BTF3L4: variants seen among roughly 807,000 people sequenced by gnomAD.
BTF3L4 encodes the protein basic transcription factor 3 like 4, also known as transcription factor BTF3 homolog 4.
In BTF3L4, 6 loss-of-function variants were observed where a neutral mutation model predicts 16.8. That is an observed-to-expected ratio of 0.36 (90% CI 0.20 to 0.71). BTF3L4 has a LOEUF of 0.71. Among genes scored for constraint, BTF3L4 ranks in the 30% least tolerant of loss-of-function variants. The pLI, the probability that BTF3L4 is intolerant of heterozygous loss-of-function variation, is 0.58. For synonymous variants in BTF3L4, 39 were observed against 59.8 expected (o/e 0.65, Z 1.60); for missense variants, 92 against 186.9 (o/e 0.49, Z 2.96).
rs1276138244 is a variant in BTF3L4 at position 52,056,352 on chromosome 1, T to G, written c.-41T>G. On this transcript the variant is annotated 5_prime_UTR_variant, in exon 1 of 6. Transcript: ENST00000313334. ...CAGCCATCTTTCTCTTGCCGCGTGC[T>G]GGTGTTGGAGGACCCTCCCTGCTTC... is the stretch of plus-strand genomic sequence containing the variant. 1 of 156,204 alleles carries G rather than the reference T, an allele frequency of 6.4e-6. No individual in the cohort carries two copies. The highest frequency in any genetic ancestry group is 2.4e-5 in the African/African-American group (1 of 41,508). 9.7% of individuals were successfully genotyped at this position (156,204 alleles called of 1,614,324 possible).
intron 3 of BTF3L4, among the ~76,000 whole-genome samples, chr1:52,074,203 G>GT (rs1462478899): frequency 6.6e-6 from 1 of 150,952 alleles, no homozygotes; most frequent in African/African-American, 2.4e-5. Context: ...TTTTTTGTTT[G>GT]TTTTTTGTTT....
At chr1:52,066,003 A>T (rs1034709746) in intron 3 of BTF3L4, among the ~76,000 whole-genome samples, 5 of 151,880 alleles carry the variant, frequency 3.3e-5, no homozygotes, top group African/African-American at 4.8e-5. Context: ...GTGCCATTGC[A>T]CTCCAGCCTG....
intron 3 of BTF3L4, among the ~76,000 whole-genome samples, chr1:52,076,966 G>A (rs1179973589): frequency 6.6e-6 from 1 of 152,132 alleles, no homozygotes. Flanking sequence ...AGGGCCGAGA[G>A]TTCAAGACCA....
intron 3 of BTF3L4, among the ~76,000 whole-genome samples, 187 bp from the exon 4 acceptor site, chr1:52,083,153 G>A (rs1226521511): frequency 6.6e-6 from 1 of 151,810 alleles, no homozygotes; most frequent in East Asian, 1.9e-4. Context: ...AGTAATTTGT[G>A]CCATCTACAC....
chr1:52,057,050 G>A (rs1558002235), intron 1 of BTF3L4, among the ~76,000 whole-genome samples: 1 of 152,150 alleles, frequency 6.6e-6, no homozygotes. Flanking sequence ...ATTCCCTGTG[G>A]TTGATAATGT....
intron 2 of BTF3L4, 71 bp downstream of exon 2, chr1:52,059,972 T>C: frequency 7.0e-7 from 1 of 1,423,300 alleles, no homozygotes; most frequent in South Asian, 1.3e-5. Context: ...TTCGGATTTG[T>C]GGTCATTGAA....
rs1269459344 is a variant in BTF3L4 at position 52,090,660 on chromosome 1, C to T, written c.*3902C>T. ...GCCCAATGTGTAGTTTACTCAACAT[C>T]ATAATATGTAATGTTTTTCAACTAC... On this transcript the variant is annotated 3_prime_UTR_variant, in exon 6 of 6. Coordinates refer to ENST00000313334, the MANE Select transcript of BTF3L4 (RefSeq NM_152265.5). The T allele has an allele frequency of 6.6e-6, 1 of 151,782 alleles. No homozygotes were observed. Among genetic ancestry groups the T allele is most frequent in the Non-Finnish European group, 1.5e-5 (1 of 67,952 alleles). 9.4% of individuals were successfully genotyped at this position (151,782 alleles called of 1,614,324 possible).
chr1:52,086,289 A>G, intron 5 of BTF3L4, 118 bp downstream of exon 5: 1 of 720,066 alleles, frequency 1.4e-6, no homozygotes, highest in Non-Finnish European at 2.2e-6. Context: ...AAATTGATTC[A>G]CAATAATGTG....
rs1643978052 is a variant in BTF3L4 at position 52,086,971 on chromosome 1, A to G, written c.*213A>G. 2.3e-6 allele frequency: 1 copy of G among 439,060 alleles called. No homozygotes were observed. The highest frequency in any genetic ancestry group is 4.2e-5 in the Admixed American group (1 of 23,772). The allele number at this position is 439,060 out of a possible 1,614,324, so 27.2% of individuals were successfully genotyped here. A position where few individuals can be genotyped will look rare whatever the true frequency, so the allele number is the denominator to read the frequency against. ...TATTTTTTTGGTCAAAATATGAAGT[A>G]TTGGTGCAGTTTGAGGGTGTTTTGG... On this transcript the variant is annotated 3_prime_UTR_variant, in exon 6 of 6. Transcript: ENST00000313334.
intron 2 of BTF3L4, among the ~76,000 whole-genome samples, chr1:52,060,209 A>G (rs1038574734): frequency 2.0e-5 from 3 of 152,184 alleles, no homozygotes; most frequent in Non-Finnish European, 2.9e-5. Flanking sequence ...AAATAATCCT[A>G]CATAAGGTGT....
intron 3 of BTF3L4, among the ~76,000 whole-genome samples, chr1:52,078,563 GC>G (rs35892592): frequency 0.034 from 5,129 of 152,170 alleles, 111 homozygotes; most frequent in African/African-American, 0.046. Flanking sequence ...AGCAGTAAGT[GC>G]ATAAACCACC....
chr1:52,082,173 G>GA (rs1249540099), intron 3 of BTF3L4, among the ~76,000 whole-genome samples: 1 of 152,000 alleles, frequency 6.6e-6, no homozygotes, highest in Non-Finnish European at 1.5e-5. Flanking sequence ...CAACTCTACT[G>GA]AAAAAAACAT....
chr1:52,068,918 G>C (rs189661191), intron 3 of BTF3L4, among the ~76,000 whole-genome samples: 1 of 152,138 alleles, frequency 6.6e-6, no homozygotes, highest in South Asian at 2.1e-4. Flanking sequence ...GGTGCCTTTC[G>C]TGTATGCCTC....
chr1:52,061,937 C>T (rs1414705100), intron 2 of BTF3L4, among the ~76,000 whole-genome samples: 11 of 149,370 alleles, frequency 7.4e-5, no homozygotes, highest in East Asian at 4.0e-4. Context: ...CCACCGTGCC[C>T]GGCCTCTTTT....
At chr1:52,085,322 TTG>T (rs1643961655) in intron 4 of BTF3L4, among the ~76,000 whole-genome samples, 2 of 868 alleles carry the variant, frequency 2.3e-3, no homozygotes, top group African/African-American at 5.2e-3. Flanking sequence ...CCCAGCTTTG[TTG>T]TTGTTGTTGT....
chr1:52,078,646 A>T (rs1686991549), intron 3 of BTF3L4, among the ~76,000 whole-genome samples: 1 of 152,222 alleles, frequency 6.6e-6, no homozygotes, highest in South Asian at 2.1e-4. Flanking sequence ...ATGGAGAAGT[A>T]GGAAATGGTT....
chr1:52,083,543 T>C lies in BTF3L4; in HGVS notation c.370+2T>C. The C allele has an allele frequency of 6.2e-7, 1 of 1,610,752 alleles. No individual in the cohort carries two copies. On this transcript the variant is annotated splice_donor_variant, in intron 4 of 5. Transcript: ENST00000313334. LOFTEE classifies it high-confidence loss of function. The stretch of plus-strand genomic sequence containing the variant: ...TAGCTGAACAGTTCCCACGGCAAGG[T>C]AGGTATTTCAATTTAGTAAATCTTT...
At chr1:52,083,226 T>G in intron 3 of BTF3L4, 114 bp from the exon 4 acceptor site, 1 of 819,290 alleles carries the variant, frequency 1.2e-6, no homozygotes, top group African/African-American at 1.7e-5. Flanking sequence ...GTTACTACCT[T>G]GGGATTACAT....
intron 1 of BTF3L4, among the ~76,000 whole-genome samples, chr1:52,057,726 G>A (rs943388936): frequency 6.6e-6 from 1 of 152,184 alleles, no homozygotes; most frequent in African/African-American, 2.4e-5. Flanking sequence ...AGAAACAAAA[G>A]ACTACTCTTG....
Sources: allele counts gnomAD v4.1 joint callset (sites outside exome capture counted in the v4.1 genomes callset), GRCh38; gene constraint gnomAD v4.1.1; transcripts MANE v1.5; gene names NCBI Gene and HGNC (gene_info 2026-07-23, HGNC 2026-07-21).